PXDNL: variants seen among roughly 807,000 people sequenced by gnomAD.
PXDNL encodes the protein probable oxidoreductase PXDNL.
Under a neutral mutation model 150.8 loss-of-function variants are expected in PXDNL, and 145 were observed. That is an observed-to-expected ratio of 0.96 (90% CI 0.84 to 1.10). PXDNL has a LOEUF of 1.10. Among genes scored for constraint, PXDNL ranks in the 50% least tolerant of loss-of-function variants. The pLI is 0.00. For missense variants in PXDNL, 2,087 were observed against 1,873.9 expected (o/e 1.11, Z -2.10); for synonymous variants, 757 against 725.7 (o/e 1.04, Z -0.69).
At position 51,804,632 on chromosome 8, in the gene PXDNL, C is replaced by T. The variant is rs1585763736; in HGVS notation, c.164+4549G>A. ...AGCACAGGGACCACAGCTTTGCTGC[C>T]TCAGGTTGCGGCTACTCCCCACAAA... is the stretch of plus-strand genomic sequence containing the variant. On this transcript the variant is annotated intron_variant, in intron 1 of 22. Coordinates refer to ENST00000356297, the MANE Select transcript of PXDNL (RefSeq NM_144651.5). 2.6e-5 allele frequency among the ~76,000 whole-genome samples: 4 copies of T among 152,294 alleles called. No individual in the cohort carries two copies. In the East Asian group the frequency reaches 5.8e-4, roughly 22 times the overall value.
At chr8:51,667,554 G>A (rs1815411117) in intron 1 of PXDNL, among the ~76,000 whole-genome samples, 1 of 152,100 alleles carries the variant, frequency 6.6e-6, no homozygotes, top group Non-Finnish European at 1.5e-5. Context: ...TTTTTGTGCT[G>A]TAATTTTCCC....
At chr8:51,624,714 G>T (rs1274325868) in intron 2 of PXDNL, among the ~76,000 whole-genome samples, 10 of 149,056 alleles carry the variant, frequency 6.7e-5, no homozygotes, top group Non-Finnish European at 1.3e-4. Context: ...TTTTCAGACT[G>T]GAGTCAACAT....
chr8:51,564,729 T>C (rs1812781489), intron 3 of PXDNL, among the ~76,000 whole-genome samples: 1 of 151,894 alleles, frequency 6.6e-6, no homozygotes, highest in South Asian at 2.1e-4. Flanking sequence ...GAAATCATAA[T>C]TTTGCAATAC....
chr8:51,408,326 C>G lies in PXDNL; in HGVS notation c.3298G>C (p.Val1100Leu), dbSNP rs1449436970. The G allele has an allele frequency of 3.1e-6, 5 of 1,613,874 alleles. No homozygotes were observed. The highest frequency in any genetic ancestry group is 4.2e-6 in the Non-Finnish European group (5 of 1,179,880). The change falls in exon 17 of 23, where the codon GTT becomes CTT. Residue 1100 changes from valine (V) to leucine (L), a missense_variant. Physicochemically the swap from Val to Leu is conservative, Grantham distance 32. Transcript: ENST00000356297. ...RIIKEGGIDP[V>L]LRGLFGVAAK... Reference sequence around the variant, plus strand: ...GCCACGCCAAACAGCCCCCGGAGAACCGGGTCTATCCCACCTTCCTTGATT... The same window carrying G: ...GCCACGCCAAACAGCCCCCGGAGAAGCGGGTCTATCCCACCTTCCTTGATT...
chr8:51,557,727 CAA>C (rs1469071477), intron 3 of PXDNL, among the ~76,000 whole-genome samples: 1 of 152,130 alleles, frequency 6.6e-6, no homozygotes, highest in African/African-American at 2.4e-5. Context: ...CAAACCTACT[CAA>C]TCGGACTCTC....
intron 13 of PXDNL, among the ~76,000 whole-genome samples, chr8:51,424,826 A>T (rs186904302): frequency 2.6e-5 from 4 of 152,340 alleles, no homozygotes; most frequent in African/African-American, 9.6e-5. Context: ...GAACGTTTAG[A>T]GTGAAAATAA....
At position 51,397,202 on chromosome 8, in the gene PXDNL, C is replaced by T. The variant is rs1808109155; in HGVS notation, c.3557+10865G>A. ...ATGAAATAAAATATAAGCATGCCTG[C>T]TAACAATTCCAATTTTAGTACCTTA... is the stretch of plus-strand genomic sequence containing the variant. On this transcript the variant is annotated intron_variant, in intron 17 of 22. Coordinates refer to ENST00000356297, the MANE Select transcript of PXDNL (RefSeq NM_144651.5). 2.6e-5 allele frequency among the ~76,000 whole-genome samples: 4 copies of T among 152,198 alleles called. No individual in the cohort carries two copies. In the South Asian group the frequency reaches 8.3e-4, roughly 31 times the overall value.
At chr8:51,735,542 T>TGTTTG (rs1563304298) in intron 1 of PXDNL, among the ~76,000 whole-genome samples, 5 of 118,692 alleles carry the variant, frequency 4.2e-5, no homozygotes, top group African/African-American at 1.5e-4. Context: ...TTTTTTTTTT[T>TGTTTG]TTTTTTTTTT....
chr8:51,416,143 C>T (rs1362514875), intron 14 of PXDNL, among the ~76,000 whole-genome samples: 2 of 152,192 alleles, frequency 1.3e-5, no homozygotes, highest in Admixed American at 6.5e-5. Context: ...TTACATGCTT[C>T]TGTTTGTGAC....
At chr8:51,726,946 G>A (rs1816827140) in intron 1 of PXDNL, among the ~76,000 whole-genome samples, 1 of 152,172 alleles carries the variant, frequency 6.6e-6, no homozygotes. Flanking sequence ...TTTTCCTCCA[G>A]TTCAAGAAAG....
intron 4 of PXDNL, among the ~76,000 whole-genome samples, chr8:51,520,457 G>T (rs369210552): frequency 6.6e-6 from 1 of 152,180 alleles, no homozygotes; most frequent in Non-Finnish European, 1.5e-5. Context: ...ACGGAAACGC[G>T]GGAGAGCCAC....
chr8:51,543,710 CAAAAA>C (rs572642373), intron 4 of PXDNL, among the ~76,000 whole-genome samples: 5 of 60,442 alleles, frequency 8.3e-5, no homozygotes, highest in Non-Finnish European at 1.1e-4. Context: ...GACTCCATAT[CAAAAA>C]AAAAAAAAAA....
At chr8:51,713,538 G>A (rs866019350) in intron 1 of PXDNL, among the ~76,000 whole-genome samples, 57 of 152,114 alleles carry the variant, frequency 3.7e-4, no homozygotes, top group African/African-American at 1.3e-3. Context: ...TCGTTGAGCC[G>A]GTTTCTCTCA....
intron 2 of PXDNL, among the ~76,000 whole-genome samples, chr8:51,602,147 C>A (rs1249544019): frequency 1.3e-5 from 2 of 151,776 alleles, no homozygotes; most frequent in African/African-American, 4.8e-5. Context: ...AGTCTGGTGA[C>A]TATACGCCTT....
chr8:51,420,082 G>A (rs1215875581), intron 14 of PXDNL, among the ~76,000 whole-genome samples: 1 of 152,130 alleles, frequency 6.6e-6, no homozygotes, highest in East Asian at 1.9e-4. Flanking sequence ...TGCGTAGATG[G>A]TTGTGTACTT....
chr8:51,348,933 T>G (rs1265220853), intron 19 of PXDNL, among the ~76,000 whole-genome samples: 1 of 152,214 alleles, frequency 6.6e-6, no homozygotes, highest in Non-Finnish European at 1.5e-5. Flanking sequence ...GATTTCTGGC[T>G]TATGCAACTT....
intron 1 of PXDNL, among the ~76,000 whole-genome samples, chr8:51,687,178 T>C (rs1285609599): frequency 6.6e-6 from 1 of 152,140 alleles, no homozygotes; most frequent in Non-Finnish European, 1.5e-5. Flanking sequence ...CTACTTAATA[T>C]AGGTTAAATA....
At chr8:51,667,882 G>A (rs1041292625) in intron 1 of PXDNL, among the ~76,000 whole-genome samples, 6 of 152,148 alleles carry the variant, frequency 3.9e-5, no homozygotes, top group African/African-American at 1.4e-4. Context: ...TGTTTTAAAG[G>A]TCAGAAATGA....
intron 2 of PXDNL, among the ~76,000 whole-genome samples, chr8:51,613,899 T>C (rs1406201714): frequency 6.6e-6 from 1 of 152,206 alleles, no homozygotes; most frequent in African/African-American, 2.4e-5. Flanking sequence ...CTAACCATCA[T>C]CCAAATTATT....
Sources: allele counts gnomAD v4.1 joint callset (sites outside exome capture counted in the v4.1 genomes callset), GRCh38; gene constraint gnomAD v4.1.1; transcripts MANE v1.5; gene names NCBI Gene and HGNC (gene_info 2026-07-23, HGNC 2026-07-21).